EHMT1: variants seen among roughly 807,000 people sequenced by gnomAD.
EHMT1 encodes histone-lysine N-methyltransferase EHMT1.
Under a neutral mutation model 147.2 loss-of-function variants are expected in EHMT1, and 15 were observed. That is an observed-to-expected ratio of 0.10 (90% CI 0.07 to 0.16). The LOEUF is 0.16. Ranked by LOEUF, EHMT1 falls within the 10% of genes least tolerant of loss-of-function variation. The pLI is 1.00. For synonymous variants in EHMT1, 795 were observed against 709.6 expected (o/e 1.12, Z -1.91); for missense variants, 1,587 against 1,772.4 (o/e 0.90, Z 1.88).
At position 137,716,802 on chromosome 9, in the gene EHMT1, C is replaced by G. The variant is rs773619139; in HGVS notation, c.262C>G (p.Leu88Val). Residue 88 changes from leucine to valine, a missense_variant, in exon 3 of 27, where the codon CTA (leucine) becomes GTA (valine). Physicochemically the swap from Leu to Val is conservative, Grantham distance 32. Around this residue, in one of 7 missense-constraint regions of EHMT1, gnomAD observed 810 missense variants for 673.0 expected, o/e 1.20. Transcript: ENST00000460843. Reference protein sequence around the residue: ...RVNPQDGTNTLTRIAENGVSE... With the variant: ...RVNPQDGTNTVTRIAENGVSE... The stretch of plus-strand genomic sequence containing the variant: ...CAACCCCCAGGATGGCACCAACACA[C>G]TAACTCGGATAGCGGAAAATGGGGT... The G allele has an allele frequency of 2.5e-6, 4 of 1,613,192 alleles. No individual in the cohort carries two copies. The highest frequency in any genetic ancestry group is 1.3e-5 in the African/African-American group (1 of 74,870).
intron 13 of EHMT1, among the ~76,000 whole-genome samples, 173 bp downstream of exon 13, chr9:137,778,228 T>C (rs1190995972): frequency 6.6e-6 from 1 of 152,250 alleles, no homozygotes; most frequent in Non-Finnish European, 1.5e-5. Flanking sequence ...ATTACTGTCC[T>C]CTGCATTATA....
intron 1 of EHMT1, among the ~76,000 whole-genome samples, chr9:137,622,821 C>T (rs944559864): frequency 1.4e-4 from 21 of 149,240 alleles, no homozygotes; most frequent in African/African-American, 5.0e-4. Flanking sequence ...GTGGGAGGAT[C>T]GCTTGATCCC....
At chr9:137,716,557 A>T in intron 2 of EHMT1, 69 bp from the exon 3 acceptor site, 1 of 1,420,054 alleles carries the variant, frequency 7.0e-7, no homozygotes, top group Non-Finnish European at 9.5e-7. Flanking sequence ...TGGGGGAGGA[A>T]GTGGTGGTGG....
intron 1 of EHMT1, among the ~76,000 whole-genome samples, chr9:137,623,379 G>A (rs190747927): frequency 1.3e-5 from 2 of 152,100 alleles, no homozygotes; most frequent in Admixed American, 6.6e-5. Flanking sequence ...TGTGGTAAGC[G>A]GTGAACTTTT....
At chr9:137,701,786 C>G (rs1157877340) in intron 1 of EHMT1, among the ~76,000 whole-genome samples, 1 of 103,632 alleles carries the variant, frequency 9.6e-6, no homozygotes, top group African/African-American at 4.4e-5. Context: ...CGCCACCATG[C>G]CTGGTTAAAT....
At chr9:137,763,081 T>C (rs1949958140) in intron 10 of EHMT1, 1 of 609,478 alleles carries the variant, frequency 1.6e-6, no homozygotes, top group Non-Finnish European at 2.9e-6. Context: ...ATTTCTTTTT[T>C]ATGATCATGG....
intron 4 of EHMT1, 113 bp downstream of exon 4, chr9:137,728,642 A>G: frequency 6.9e-7 from 1 of 1,446,460 alleles, no homozygotes; most frequent in South Asian, 1.2e-5. Flanking sequence ...TTGATGAATG[A>G]CTGTTGACGT....
Position 137,779,724 on chromosome 9 carries a change from G to A in EHMT1, c.2275+7G>A. 1 of 1,613,222 alleles carries A rather than the reference G, an allele frequency of 6.2e-7. No individual in the cohort carries two copies. Among genetic ancestry groups the A allele is most frequent in the East Asian group, 2.2e-5 (1 of 44,876 alleles). On this transcript the variant is annotated splice_region_variant and intron_variant, in intron 14 of 26. Coordinates refer to ENST00000460843, the MANE Select transcript of EHMT1 (RefSeq NM_024757.5). ...AAGGTGCTCCTCATGCTGGGTAAGT[G>A]CCTTCCTGCGGCCCGGGCACATGCA...
chr9:137,636,059 T>C lies in EHMT1; in HGVS notation c.21+17010T>C, dbSNP rs1220817522. 2.6e-5 allele frequency among the ~76,000 whole-genome samples: 4 copies of C among 151,500 alleles called. No individual in the cohort carries two copies. The East Asian group carries it at 8.0e-4, about 30-fold the overall frequency. On this transcript the variant is annotated intron_variant, in intron 1 of 26. Transcript: ENST00000460843. ...GCCTCAGCCTCCTGAGTAGTTGGGA[T>C]TACAGGTGCATGCCACCACGCCTTG... is the stretch of plus-strand genomic sequence containing the variant.
At chr9:137,734,488 A>C (rs189167362) in intron 4 of EHMT1, among the ~76,000 whole-genome samples, 43 of 152,334 alleles carry the variant, frequency 2.8e-4, no homozygotes, top group Admixed American at 2.4e-3. Flanking sequence ...GAGCCTGGGG[A>C]CCTGTGGGCA....
At chr9:137,791,804 C>G (rs1214849554) in intron 16 of EHMT1, among the ~76,000 whole-genome samples, 1 of 152,134 alleles carries the variant, frequency 6.6e-6, no homozygotes, top group Admixed American at 6.5e-5. Flanking sequence ...CAATCTCGGC[C>G]TACTGCAACC....
At position 137,776,541 on chromosome 9, in the gene EHMT1, C is replaced by T; in HGVS notation, c.1792-77C>T. 1.4e-6 allele frequency: 2 copies of T among 1,456,810 alleles called. No homozygotes were observed. The highest frequency in any genetic ancestry group is 9.5e-7 in the Non-Finnish European group (1 of 1,051,592). 90.2% of individuals were successfully genotyped at this position (1,456,810 alleles called of 1,614,324 possible). A position where few individuals can be genotyped will look rare whatever the true frequency, so the allele number is the denominator to read the frequency against. On this transcript the variant is annotated intron_variant, in intron 11 of 26. Transcript: ENST00000460843. The surrounding 1 kb of genome is among the most constrained non-coding windows in gnomAD (Gnocchi z 4.4). ...GACCGCCCGATGTGGGATGCGGTGCCAGTTTAGTAGTACTTTATTTTTCTA... is the reference window on the plus strand; with the variant it reads ...GACCGCCCGATGTGGGATGCGGTGCTAGTTTAGTAGTACTTTATTTTTCTA...
chr9:137,763,286 G>A, intron 10 of EHMT1: 1 of 270,714 alleles, frequency 3.7e-6, no homozygotes, highest in South Asian at 5.1e-5. Context: ...TCCCGTCTCT[G>A]CTGCCTCTGG....
At chr9:137,801,312 C>T (rs1483091753) in intron 18 of EHMT1, among the ~76,000 whole-genome samples, 2 of 152,188 alleles carry the variant, frequency 1.3e-5, no homozygotes, top group African/African-American at 4.8e-5. Flanking sequence ...CTCTGGCTCT[C>T]CCTTTGTTTT....
intron 1 of EHMT1, among the ~76,000 whole-genome samples, chr9:137,655,772 C>T (rs1197700261): frequency 1.3e-5 from 2 of 152,128 alleles, no homozygotes; most frequent in Non-Finnish European, 2.9e-5. Context: ...GGGTCGCGTG[C>T]TCCTTATGAG....
intron 22 of EHMT1, chr9:137,814,709 G>A (rs1588863054): frequency 6.1e-6 from 4 of 654,158 alleles, no homozygotes; most frequent in Non-Finnish European, 1.1e-5. Context: ...ACATGGCTGC[G>A]GATTCCCTGG....
chr9:137,788,026 G>A, intron 15 of EHMT1: 1 of 1,415,994 alleles, frequency 7.1e-7, no homozygotes. Flanking sequence ...CTAGGCTCCG[G>A]GAAGAGGGTT....
intron 1 of EHMT1, among the ~76,000 whole-genome samples, chr9:137,710,299 C>T (rs1198916762): frequency 6.6e-6 from 1 of 152,156 alleles, no homozygotes; most frequent in African/African-American, 2.4e-5. Context: ...TGGCGAAACC[C>T]CCATCTCTAC....
chr9:137,635,923 A>C (rs1226296140), intron 1 of EHMT1, among the ~76,000 whole-genome samples: 2 of 151,988 alleles, frequency 1.3e-5, no homozygotes, highest in Non-Finnish European at 2.9e-5. Context: ...GAATTAAAAA[A>C]AATTTTTTTT....
Sources: gnomAD v4.1 joint callset for allele counts (sites outside exome capture counted in the v4.1 genomes callset) on GRCh38, gnomAD v4.1.1 for gene constraint, gnomAD v4.1.1 regional missense constraint, Gnocchi (gnomAD v3.1) non-coding constraint, MANE v1.5 for transcripts, NCBI Gene and HGNC (gene_info 2026-07-23, HGNC 2026-07-21) for gene names.